The following LRRC8D variants were observed in gnomAD, a reference collection of about 807,000 sequenced individuals.
The protein encoded by LRRC8D is volume-regulated anion channel subunit LRRC8D.
A neutral mutation model predicts 55.8 loss-of-function variants in LRRC8D; 20 were observed. That is an observed-to-expected ratio of 0.36 (90% CI 0.25 to 0.52). The LOEUF (loss-of-function observed/expected upper bound fraction) is 0.52. LRRC8D is among the 20% of genes least tolerant of loss of function. The pLI is 0.93. For missense variants in LRRC8D, 651 were observed against 1,030.8 expected (o/e 0.63, Z 5.05); for synonymous variants, 352 against 377.0 (o/e 0.93, Z 0.77).
intron 2 of LRRC8D, among the ~76,000 whole-genome samples, chr1:89,895,583 A>G (rs995377033): frequency 3.9e-5 from 6 of 152,158 alleles, no homozygotes; most frequent in African/African-American, 1.4e-4. Flanking sequence ...TTCTATGTGA[A>G]CAAATTTGAC....
In LRRC8D at chr1:89,907,183, C is replaced by CTTTT. The variant is rs71584958; in HGVS notation, c.-2-25861_-2-25858dup. 5.6e-4 allele frequency among the ~76,000 whole-genome samples: 39 copies of CTTTT among 69,776 alleles called. 8 individuals carry two copies. The highest frequency in any genetic ancestry group is 0.011 in the Middle Eastern group (1 of 90). The allele number at this position is 69,776 out of a possible 152,430, so 45.8% of individuals were successfully genotyped here. A position where few individuals can be genotyped will look rare whatever the true frequency, so the allele number is the denominator to read the frequency against. On this transcript the variant is annotated intron_variant, in intron 2 of 2. Transcript: ENST00000337338. ...TTGGGCTTCCTGTCTTCCACTGTGT[C>CTTTT]TTTTTTTTTTTTTTTTTTTTTTTTT...
chr1:89,922,582 T>G (rs1001502512), intron 2 of LRRC8D, among the ~76,000 whole-genome samples: 1 of 152,218 alleles, frequency 6.6e-6, no homozygotes, highest in Non-Finnish European at 1.5e-5. Flanking sequence ...GCAAACATCT[T>G]TGGGGGCTTA....
At chr1:89,830,903 CTTT>C (rs1178734654) in intron 1 of LRRC8D, among the ~76,000 whole-genome samples, 7 of 135,800 alleles carry the variant, frequency 5.2e-5, no homozygotes, top group East Asian at 2.1e-4. Flanking sequence ...GCACAATACA[CTTT>C]TTTTTTTTTT....
chr1:89,888,137 A>G (rs1255071483), intron 2 of LRRC8D, among the ~76,000 whole-genome samples: 5 of 152,246 alleles, frequency 3.3e-5, no homozygotes, highest in Non-Finnish European at 5.9e-5. Flanking sequence ...AAAGAATCCA[A>G]CTGTATTACA....
At chr1:89,897,087 A>T (rs1662731898) in intron 2 of LRRC8D, among the ~76,000 whole-genome samples, 1 of 152,240 alleles carries the variant, frequency 6.6e-6, no homozygotes, top group Admixed American at 6.5e-5. Flanking sequence ...GAGGGGCAGA[A>T]GGAAATCCAA....
chr1:89,897,391 T>C (rs1662738968), intron 2 of LRRC8D, among the ~76,000 whole-genome samples: 1 of 152,246 alleles, frequency 6.6e-6, no homozygotes, highest in South Asian at 2.1e-4. Context: ...TTTTGTCTTC[T>C]GTGAAATTTT....
chr1:89,848,700 TTTTTGGGG>T (rs1661338900), intron 2 of LRRC8D, among the ~76,000 whole-genome samples: 1 of 151,896 alleles, frequency 6.6e-6, no homozygotes, highest in South Asian at 2.1e-4. Flanking sequence ...TTTTTTTGGT[TTTTTGGGG>T]TTTTTTTTTG....
chr1:89,823,569 T>G (rs2100686329), intron 1 of LRRC8D, among the ~76,000 whole-genome samples: 1 of 152,302 alleles, frequency 6.6e-6, no homozygotes, highest in Middle Eastern at 3.4e-3. Context: ...TAATCATGAT[T>G]ATTATGTTGT....
chr1:89,895,917 A>G (rs895825983), intron 2 of LRRC8D, among the ~76,000 whole-genome samples: 10 of 152,214 alleles, frequency 6.6e-5, no homozygotes, highest in Non-Finnish European at 1.2e-4. Context: ...GAAACATCAG[A>G]AAAGGAAAGG....
chr1:89,883,366 T>C (rs1361353532), intron 2 of LRRC8D, among the ~76,000 whole-genome samples: 1 of 152,134 alleles, frequency 6.6e-6, no homozygotes, highest in Non-Finnish European at 1.5e-5. Flanking sequence ...AATCTGATCT[T>C]CGTTGGATTA....
chr1:89,872,773 T>C (rs542328486), intron 2 of LRRC8D, among the ~76,000 whole-genome samples: 2 of 152,272 alleles, frequency 1.3e-5, no homozygotes, highest in African/African-American at 4.8e-5. Context: ...GGTGCATCAC[T>C]AGAGAACCTG....
rs1663801125 is a variant in LRRC8D, at chr1:89,934,956, A to G, written c.1888A>G (p.Ser630Gly). 6.2e-7 allele frequency: 1 copy of G among 1,614,048 alleles called. No homozygotes were observed. Among genetic ancestry groups the G allele is most frequent in the South Asian group, 1.1e-5 (1 of 91,088 alleles). Residue 630 changes from serine (S) to glycine (G), a missense_variant, in exon 3 of 3, where the codon AGC becomes GGC. This residue lies in a region of LRRC8D where 338 missense variants were observed against 479.4 expected (regional missense o/e 0.71). Coordinates refer to ENST00000337338, the MANE Select transcript of LRRC8D (RefSeq NM_001134479.2). The surrounding 1 kb of genome is among the most constrained non-coding windows in gnomAD (Gnocchi z 5.9). ...CGGCACTAAACTCTTGGTACTGAAC[A>G]GCCTTAAGAAAATGATGAATGTCGC... is the stretch of plus-strand genomic sequence containing the variant. ...NDGTKLLVLN[S>G]LKKMMNVAEL...
chr1:89,861,136 G>C (rs142086359), intron 2 of LRRC8D, among the ~76,000 whole-genome samples: 1,524 of 152,196 alleles, frequency 0.01, 9 homozygotes, highest in South Asian at 0.016. Flanking sequence ...TCATGGGAGG[G>C]TGGGGCAGAG....
At chr1:89,857,052 T>C (rs896626021) in intron 2 of LRRC8D, among the ~76,000 whole-genome samples, 2 of 152,100 alleles carry the variant, frequency 1.3e-5, no homozygotes, top group Admixed American at 1.3e-4. Flanking sequence ...TGTGTATGCG[T>C]AGAAAAAAAT....
chr1:89,928,675 G>A (rs1663628051), intron 2 of LRRC8D, among the ~76,000 whole-genome samples: 1 of 152,132 alleles, frequency 6.6e-6, no homozygotes, highest in Non-Finnish European at 1.5e-5. Flanking sequence ...CTGTTGCTAT[G>A]CCCACTGCCA....
rs1279203117 is a variant in LRRC8D at position 89,934,698 on chromosome 1, G to A, written c.1630G>A (p.Val544Met). The change falls in exon 3 of 3, where the codon GTG (valine) becomes ATG (methionine). Residue 544 changes from valine to methionine, a missense_variant. Val to Met is a conservative substitution (Grantham distance 21). Around this residue, in one of 5 missense-constraint regions of LRRC8D, gnomAD observed 338 missense variants for 479.4 expected, o/e 0.71. Transcript: ENST00000337338. The surrounding 1 kb of genome is among the most constrained non-coding windows in gnomAD (Gnocchi z 5.9). ...TCGCGATCACTTGAGATGCCTTCAC[G>A]TGAAGTTCACTGATGTGGCTGAAAT... ...FLRDHLRCLH[V>M]KFTDVAEIPA... is the part of the protein sequence containing the mutation. The A allele has an allele frequency of 6.2e-6, 10 of 1,614,062 alleles. No individual in the cohort carries two copies. Among genetic ancestry groups the A allele is most frequent in the East Asian group, 4.5e-5 (2 of 44,900 alleles).
intron 1 of LRRC8D, chr1:89,821,794 T>C (rs1259262827): frequency 1.3e-5 from 2 of 151,154 alleles, no homozygotes; most frequent in African/African-American, 4.9e-5. Context: ...TGGGCTGCGC[T>C]GGGAGCCCGG....
chr1:89,858,200 C>T (rs559301753), intron 2 of LRRC8D, among the ~76,000 whole-genome samples: 19 of 152,360 alleles, frequency 1.2e-4, no homozygotes, highest in Middle Eastern at 3.4e-3. Flanking sequence ...TACTGCACTC[C>T]AGCCTGAGCG....
intron 2 of LRRC8D, among the ~76,000 whole-genome samples, chr1:89,847,102 T>C (rs1661300788): frequency 6.6e-6 from 1 of 152,210 alleles, no homozygotes; most frequent in Non-Finnish European, 1.5e-5. Flanking sequence ...TAACATTCCT[T>C]AGATGCAAGT....
Sources: allele counts gnomAD v4.1 joint callset (sites outside exome capture counted in the v4.1 genomes callset), GRCh38; gene constraint gnomAD v4.1.1; regional missense constraint gnomAD v4.1.1; non-coding constraint Gnocchi (gnomAD v3.1); transcripts MANE v1.5; gene names NCBI Gene and HGNC (gene_info 2026-07-23, HGNC 2026-07-21).